Variants in KIF5A observed in about 807,000 individuals in gnomAD.
The protein encoded by KIF5A is kinesin heavy chain isoform 5A.
KIF5A carries 35 observed loss-of-function variants against 141.3 expected under a neutral mutation model. The ratio of observed to expected loss-of-function variants is 0.25; its 90% CI spans 0.19 to 0.33. The LOEUF (loss-of-function observed/expected upper bound fraction) is 0.33, where lower values mean the gene tolerates loss of function less well. Ranked by LOEUF, KIF5A falls within the 10% of genes least tolerant of loss-of-function variation. KIF5A has a pLI of 1.00. For synonymous variants in KIF5A, 448 were observed against 500.2 expected, an observed-to-expected ratio of 0.90 and a Z score of 1.39; for missense variants, 861 against 1,314.3, an observed-to-expected ratio of 0.66 and a Z score of 5.33.
At chr12:57,580,508 C>T (rs937297966) in intron 23 of KIF5A, among the ~76,000 whole-genome samples, 5 of 152,194 alleles carry the variant, frequency 3.3e-5, no homozygotes, top group African/African-American at 1.2e-4. Flanking sequence ...AGCCACCAAA[C>T]TGCTACTGTG....
chr12:57,573,017 C>G (rs957963838), intron 15 of KIF5A, among the ~76,000 whole-genome samples: 4 of 152,094 alleles, frequency 2.6e-5, no homozygotes, highest in African/African-American at 9.7e-5. Context: ...ATGGCGAAAC[C>G]CTGTCTCTAC....
intron 26 of KIF5A, among the ~76,000 whole-genome samples, chr12:57,582,333 TC>T (rs1233472538): frequency 6.6e-6 from 1 of 152,144 alleles, no homozygotes; most frequent in Non-Finnish European, 1.5e-5. Context: ...CCTTTAGGTC[TC>T]AGGCTGCCTG....
intron 28 of KIF5A, among the ~76,000 whole-genome samples, chr12:57,583,738 C>T (rs1476499412): frequency 1.3e-5 from 2 of 152,194 alleles, no homozygotes; most frequent in Admixed American, 6.5e-5. Context: ...AAACGCCCCA[C>T]GAAATCAGTC....
Position 57,576,793 on chromosome 12 carries a change from A to T in KIF5A, c.2231A>T (p.Lys744Met). Residue 744 changes from lysine to methionine, a missense_variant, in exon 20 of 29, where the codon AAG (lysine) becomes ATG (methionine). This residue lies in a region of KIF5A where 482 missense variants were observed against 661.3 expected (regional missense o/e 0.73). Transcript: ENST00000455537. ...LNQKLQLELE[K>M]LQADYEKLKS... The stretch of plus-strand genomic sequence containing the variant: ...CAGAAGCTCCAGTTAGAGCTAGAGA[A>T]GCTTCAGGCTGACTACGAGAAGCTG... 1 of 1,613,928 alleles carries T rather than the reference A, an allele frequency of 6.2e-7. No individual in the cohort carries two copies.
chr12:57,563,742 G>A (rs1045798006), intron 3 of KIF5A, 49 bp downstream of exon 3: 2 of 1,523,836 alleles, frequency 1.3e-6, no homozygotes, highest in African/African-American at 2.7e-5. Context: ...GTTAATGGAA[G>A]ATCAGGGAAT....
chr12:57,571,161 C>A (rs1882242764), intron 12 of KIF5A, among the ~76,000 whole-genome samples, 160 bp from the exon 13 acceptor site: 1 of 152,116 alleles, frequency 6.6e-6, no homozygotes, highest in African/African-American at 2.4e-5. Context: ...GCCTTGAACT[C>A]CTGGCTTCAA....
In KIF5A at chr12:57,581,971, T is replaced by C; in HGVS notation, c.2992+19T>C. 6.3e-7 allele frequency: 1 copy of C among 1,597,430 alleles called. No individual in the cohort carries two copies. Among genetic ancestry groups the C allele is most frequent in the South Asian group, 1.1e-5 (1 of 90,738 alleles). ...GACAATGGTGAGTGAAAAAGATGGG[T>C]AATCCCACCTTTGGGGTCCTCAGGG... On this transcript the variant is annotated intron_variant, in intron 26 of 28. Coordinates refer to ENST00000455537, the MANE Select transcript of KIF5A (RefSeq NM_004984.4).
At chr12:57,563,766 G>A (rs1212153067) in intron 3 of KIF5A, 73 bp downstream of exon 3, 1 of 1,376,846 alleles carries the variant, frequency 7.3e-7, no homozygotes, top group Non-Finnish European at 1.0e-6. Context: ...AGTGGGGGAA[G>A]GTCTAGGAAT....
chr12:57,571,378 G>T lies in KIF5A; in HGVS notation c.1351G>T (p.Asp451Tyr). 1.2e-6 allele frequency: 2 copies of T among 1,613,796 alleles called. No homozygotes were observed. Among genetic ancestry groups the T allele is most frequent in the Non-Finnish European group, 1.7e-6 (2 of 1,179,858 alleles). The change falls in exon 13 of 29, where the codon GAC (aspartate) becomes TAC (tyrosine). Residue 451 changes from aspartate to tyrosine, a missense_variant. Asp to Tyr is a radical substitution (Grantham distance 160, BLOSUM62 -3). Coordinates refer to ENST00000455537, the MANE Select transcript of KIF5A (RefSeq NM_004984.4). ...AGAGAAGCTCAAGCAGCAAATGCTG[G>T]ACCAGGAAGAGGTAATAGGAGGGAG... ...LIEKLKQQML[D>Y]QEELLVSTRG... is the part of the protein sequence containing the mutation.
At chr12:57,576,539 G>C (rs1013604058) in intron 19 of KIF5A, among the ~76,000 whole-genome samples, 161 bp downstream of exon 19, 1 of 152,126 alleles carries the variant, frequency 6.6e-6, no homozygotes, top group Non-Finnish European at 1.5e-5. Flanking sequence ...ATGGAATAAC[G>C]ACTAGTCCCT....
rs993258035 is a variant in KIF5A at position 57,584,532 on chromosome 12, C to T, written c.*351C>T. ...GTCTCACACTGAGTGGTGTTAGTCA[C>T]TGAGTAGAGGTCACAGAGATGACAA... On this transcript the variant is annotated 3_prime_UTR_variant, in exon 29 of 29. Transcript: ENST00000455537. 1.3e-5 allele frequency: 2 copies of T among 152,578 alleles called. No individual in the cohort carries two copies. The highest frequency in any genetic ancestry group is 1.3e-4 in the Admixed American group (2 of 15,270). 9.5% of individuals were successfully genotyped at this position (152,578 alleles called of 1,614,324 possible).
Position 57,575,637 on chromosome 12 carries a change from C to T in KIF5A, c.1906-3C>T, listed in dbSNP as rs1419648363. 4 of 1,613,484 alleles carry T rather than the reference C, an allele frequency of 2.5e-6. No homozygotes were observed. Among genetic ancestry groups the T allele is most frequent in the East Asian group, 2.2e-5 (1 of 44,874 alleles). On this transcript the variant is annotated splice_polypyrimidine_tract_variant and splice_region_variant and intron_variant, in intron 16 of 28. Coordinates refer to ENST00000455537, the MANE Select transcript of KIF5A (RefSeq NM_004984.4). ...CTTCCTCTCACCAACTTTCTCCCAC[C>T]AGCATGAGGCCAAGATCCGCTCGCT...
intron 27 of KIF5A, 145 bp from the exon 28 acceptor site, chr12:57,582,956 G>A: frequency 1.3e-6 from 1 of 740,780 alleles, no homozygotes; most frequent in East Asian, 2.7e-5. Flanking sequence ...CATCCCTCTG[G>A]CCTTGAGTTT....
At position 57,571,412 on chromosome 12, in the gene KIF5A, A is replaced by C; in HGVS notation, c.1362+23A>C. The C allele has an allele frequency of 1.9e-6, 3 of 1,612,784 alleles. No homozygotes were observed. The South Asian group carries it at 3.3e-5, about 18-fold the overall frequency. ...GAGGTAATAGGAGGGAGGGCAGGAC[A>C]TGAGAGGAAAGGGGTTCTGTTCATC... On this transcript the variant is annotated intron_variant, in intron 13 of 28. Transcript: ENST00000455537.
chr12:57,553,894 G>A (rs145806504), intron 1 of KIF5A, among the ~76,000 whole-genome samples: 24 of 152,180 alleles, frequency 1.6e-4, no homozygotes, highest in African/African-American at 5.5e-4. Context: ...ATTGGATTTC[G>A]GCGACATTTC....
intron 1 of KIF5A, among the ~76,000 whole-genome samples, chr12:57,552,019 A>G (rs1291196528): frequency 1.3e-5 from 2 of 152,118 alleles, no homozygotes; most frequent in African/African-American, 4.8e-5. Context: ...AAAACAAAAC[A>G]AAACAACCAC....
chr12:57,573,052 G>A (rs1315310221), intron 15 of KIF5A, among the ~76,000 whole-genome samples: 2 of 152,260 alleles, frequency 1.3e-5, no homozygotes, highest in Non-Finnish European at 1.5e-5. Context: ...TTAGCCAGGC[G>A]TGGTGATGTG....
chr12:57,579,183 T>C (rs1695923813), intron 23 of KIF5A, among the ~76,000 whole-genome samples: 1 of 152,070 alleles, frequency 6.6e-6, no homozygotes, highest in African/African-American at 2.4e-5. Flanking sequence ...TGCGGTTCTT[T>C]AGGTGGATGA....
intron 15 of KIF5A, 143 bp from the exon 16 acceptor site, chr12:57,574,941 A>G: frequency 1.4e-6 from 1 of 727,490 alleles, no homozygotes. Flanking sequence ...GCTGATAGAG[A>G]GCTGCTAAAG....
Sources: allele counts gnomAD v4.1 joint callset (sites outside exome capture counted in the v4.1 genomes callset), GRCh38; gene constraint gnomAD v4.1.1; regional missense constraint gnomAD v4.1.1; transcripts MANE v1.5; gene names NCBI Gene and HGNC (gene_info 2026-07-23, HGNC 2026-07-21).